BCR: variants seen among roughly 807,000 people sequenced by gnomAD.
BCR encodes breakpoint cluster region protein.
Under a neutral mutation model 138.6 loss-of-function variants are expected in BCR, and 58 were observed. The ratio of observed to expected loss-of-function variants is 0.42; its 90% CI spans 0.34 to 0.52. The LOEUF (loss-of-function observed/expected upper bound fraction) is 0.52, where lower values mean the gene tolerates loss of function less well. Ranked by LOEUF, BCR falls within the 20% of genes least tolerant of loss-of-function variation. BCR has a pLI of 0.06. For missense variants in BCR, 1,599 were observed against 1,727.2 expected (o/e 0.93, Z 1.32); for synonymous variants, 786 against 730.1 (o/e 1.08, Z -1.23).
chr22:23,267,200 G>C lies in BCR; in HGVS notation c.1753-1208G>C, dbSNP rs536250130. On this transcript the variant is annotated intron_variant, in intron 4 of 22. Transcript: ENST00000305877. ...CCTTGGCTGCTTTGTACCAAGGCTG[G>C]GAGGCACTCAGTGACTTGCAAAGGA... 2.6e-5 allele frequency among the ~76,000 whole-genome samples: 4 copies of C among 152,236 alleles called. No individual in the cohort carries two copies. The East Asian group carries it at 7.7e-4, about 29-fold the overall frequency.
At chr22:23,301,289 G>C (rs1307176150) in intron 16 of BCR, among the ~76,000 whole-genome samples, 1 of 152,248 alleles carries the variant, frequency 6.6e-6, no homozygotes, top group Non-Finnish European at 1.5e-5. Flanking sequence ...CTGGGGGACA[G>C]AGCGAGACTA....
At chr22:23,188,920 G>A (rs1447104271) in intron 1 of BCR, among the ~76,000 whole-genome samples, 2 of 152,132 alleles carry the variant, frequency 1.3e-5, no homozygotes, top group African/African-American at 4.8e-5. Context: ...AGGCTGGAGT[G>A]CAGTGGCACG....
intron 13 of BCR, chr22:23,289,975 C>T (rs1007085786): frequency 8.0e-6 from 4 of 503,062 alleles, no homozygotes; most frequent in Non-Finnish European, 3.6e-6. Flanking sequence ...CACTTTTGGT[C>T]AAGCTGTTTT....
chr22:23,214,556 A>G (rs185423691), intron 1 of BCR, among the ~76,000 whole-genome samples: 3 of 152,316 alleles, frequency 2.0e-5, no homozygotes, highest in Admixed American at 2.0e-4. Context: ...CTCTCTGCTC[A>G]GGCGGATTAT....
intron 1 of BCR, among the ~76,000 whole-genome samples, chr22:23,197,013 C>T (rs980348583): frequency 2.6e-5 from 4 of 152,212 alleles, no homozygotes; most frequent in Non-Finnish European, 4.4e-5. Context: ...TTGCATATAA[C>T]CTATACACAT....
At chr22:23,261,270 A>G in intron 3 of BCR, 85 bp from the exon 4 acceptor site, 1 of 1,411,296 alleles carries the variant, frequency 7.1e-7, no homozygotes, top group South Asian at 1.3e-5. Context: ...TATGTCAGGT[A>G]ACCATGACTG....
In BCR at chr22:23,249,882, T is replaced by G. The variant is rs569590423; in HGVS notation, c.1280-3917T>G. ...CATCTGGAATCCAGACTTAAAAGCA[T>G]CAGTCACCCAGACATTGATTTGAGA... On this transcript the variant is annotated intron_variant, in intron 1 of 22. Coordinates refer to ENST00000305877, the MANE Select transcript of BCR (RefSeq NM_004327.4). 7.2e-5 allele frequency among the ~76,000 whole-genome samples: 11 copies of G among 152,252 alleles called. No individual in the cohort carries two copies. In the South Asian group the frequency reaches 2.3e-3, roughly 32 times the overall value.
chr22:23,273,603 T>C (rs1255154024), intron 7 of BCR, 31 bp from the exon 8 acceptor site: 1 of 1,612,262 alleles, frequency 6.2e-7, no homozygotes, highest in Non-Finnish European at 8.5e-7. Flanking sequence ...TGCTCCTCTG[T>C]GTCTAACTCA....
chr22:23,259,194 T>C (rs767131577), intron 2 of BCR, among the ~76,000 whole-genome samples: 1 of 152,354 alleles, frequency 6.6e-6, no homozygotes, highest in Admixed American at 6.5e-5. Context: ...CATCACAGAC[T>C]GGGGGGCTTA....
intron 12 of BCR, 150 bp from the exon 13 acceptor site, chr22:23,289,367 G>A (rs1316129330): frequency 1.5e-6 from 1 of 650,728 alleles, no homozygotes; most frequent in African/African-American, 1.8e-5. Context: ...CTGCACTTGA[G>A]AGCCAAGTGC....
At chr22:23,274,805 G>A (rs970899302) in intron 8 of BCR, among the ~76,000 whole-genome samples, 15 of 151,764 alleles carry the variant, frequency 9.9e-5, no homozygotes, top group Non-Finnish European at 1.9e-4. Context: ...CTACTCGGGA[G>A]GCTGAGGCAG....
At chr22:23,272,108 G>A (rs1156794870) in intron 6 of BCR, among the ~76,000 whole-genome samples, 3 of 152,162 alleles carry the variant, frequency 2.0e-5, no homozygotes, top group Admixed American at 1.3e-4. Context: ...GTGAGCTACC[G>A]CACCTGGCAG....
In BCR at chr22:23,291,628, C is replaced by T. The variant is rs147277151; in HGVS notation, c.2783-913C>T. 2.4e-4 allele frequency among the ~76,000 whole-genome samples: 37 copies of T among 152,184 alleles called. 1 individual carries two copies. In the East Asian group the frequency reaches 6.6e-3, roughly 27 times the overall value. On this transcript the variant is annotated intron_variant, in intron 14 of 22. Transcript: ENST00000305877. ...CTTGTCTCTCCTTGCCTCCCTGTTA[C>T]CTTTCTTTCTATCTCTTCCTTGCCC...
intron 1 of BCR, among the ~76,000 whole-genome samples, chr22:23,251,712 C>T (rs1379338616): frequency 6.6e-6 from 1 of 152,252 alleles, no homozygotes; most frequent in African/African-American, 2.4e-5. Context: ...CCAAGGTCAC[C>T]TCTGCTGGTA....
chr22:23,181,304 C>A lies in BCR; in HGVS notation c.344C>A (p.Ala115Asp). 1 of 1,359,716 alleles carries A rather than the reference C, an allele frequency of 7.4e-7. No individual in the cohort carries two copies. Among genetic ancestry groups the A allele is most frequent in the Non-Finnish European group, 9.5e-7 (1 of 1,055,044 alleles). The allele number at this position is 1,359,716 out of a possible 1,614,324, so 84.2% of individuals were successfully genotyped here. Reference protein sequence around the residue: ...ADPPPAEEPEARPDGEGSPGK... With the variant: ...ADPPPAEEPEDRPDGEGSPGK... ...CCGCCGCCCGCCGAGGAGCCCGAGG[C>A]CCGGCCCGACGGCGAGGGTTCTCCG... The change falls in exon 1 of 23, where the codon GCC (alanine) becomes GAC (aspartate). Residue 115 changes from alanine (A) to aspartate (D), a missense_variant. Ala to Asp is a moderately radical substitution (Grantham distance 126). Around this residue, in one of 4 missense-constraint regions of BCR, gnomAD observed 806 missense variants for 635.0 expected, o/e 1.27. Coordinates refer to ENST00000305877, the MANE Select transcript of BCR (RefSeq NM_004327.4).
chr22:23,197,258 G>A (rs868618111), intron 1 of BCR, among the ~76,000 whole-genome samples: 7 of 152,218 alleles, frequency 4.6e-5, no homozygotes, highest in African/African-American at 1.4e-4. Context: ...GCTGTGCCAC[G>A]TAGCCTAGGT....
In BCR at chr22:23,269,907, G is replaced by T. The variant is rs16998932; in HGVS notation, c.1860+1392G>T. Among the ~76,000 whole-genome samples, 394 of 152,164 alleles carry T rather than the reference G, an allele frequency of 2.6e-3. 3 individuals carry two copies. The East Asian group carries it at 0.04, about 15-fold the overall frequency. ...GGAAACACCATGGGACGCCACCTGG[G>T]GATCACGTGGTGCCACCAACCATGC... On this transcript the variant is annotated intron_variant, in intron 5 of 22. Coordinates refer to ENST00000305877, the MANE Select transcript of BCR (RefSeq NM_004327.4).
rs28613626 is a variant in BCR, at chr22:23,238,890, C to T, written c.1280-14909C>T. On this transcript the variant is annotated intron_variant, in intron 1 of 22. Transcript: ENST00000305877. ...TGCAAGGGGGGTGGGGGGCAGGTGG[C>T]GGGGTTGGTTCGAGTCTCAAACTGT... Among the ~76,000 whole-genome samples the T allele has an allele frequency of 4.0e-3, 549 of 138,066 alleles. 2 individuals are homozygous for T. The highest frequency in any genetic ancestry group is 7.0e-3 in the Non-Finnish European group (441 of 63,132). The allele number at this position is 138,066 out of a possible 152,430, so 90.6% of individuals were successfully genotyped here.
At chr22:23,257,778 G>C (rs116783051) in intron 2 of BCR, among the ~76,000 whole-genome samples, 5,517 of 152,304 alleles carry the variant, frequency 0.036, 128 homozygotes, top group Non-Finnish European at 0.048. Flanking sequence ...GGGCACCAAG[G>C]CAGGCTCAAC....
Sources: allele counts gnomAD v4.1 joint callset (sites outside exome capture counted in the v4.1 genomes callset), GRCh38; gene constraint gnomAD v4.1.1; regional missense constraint gnomAD v4.1.1; transcripts MANE v1.5; gene names NCBI Gene and HGNC (gene_info 2026-07-23, HGNC 2026-07-21).